The following SCYGR6 variants were observed in gnomAD, a reference collection of about 807,000 sequenced individuals.
SCYGR6 encodes the protein small cysteine and glycine repeat-containing protein 6.
At chr2:227,724,732 C>T (rs1326326895) in exon 1 of SCYGR6, 4 of 411,382 alleles carry the variant, frequency 9.7e-6, no homozygotes, top group Non-Finnish European at 1.7e-5. Context: ...GCCACCACCG[C>T]AGCCACCACA....
At chr2:227,724,582 C>T (rs929185786) in exon 1 of SCYGR6, 20 of 399,218 alleles carry the variant, frequency 5.0e-5, no homozygotes, top group Non-Finnish European at 8.8e-5. Flanking sequence ...GCTGCAGCAG[C>T]CTCCACAGCA....
chr2:227,724,449 G>C, exon 1 of SCYGR6: 1 of 398,786 alleles, frequency 2.5e-6, no homozygotes. Context: ...CCTAGCAGCA[G>C]CATTGCTTCT....
At position 227,724,719 on chromosome 2, in the gene SCYGR6, G is replaced by A. The variant is rs529652123; in HGVS notation, c.39C>T (p.Cys13=). Reference sequence around the variant, plus strand: ...CACTGCAGCCACCACCGCAGCCACCGCAGCCACCACCGCAGCCACCACACC... The same window carrying A: ...CACTGCAGCCACCACCGCAGCCACCACAGCCACCACCGCAGCCACCACACC... The change falls in exon 1 of 1, where the codon TGC becomes TGT. Residue 13 remains cysteine, a synonymous_variant. Coordinates refer to ENST00000641918, the Ensembl canonical transcript of SCYGR6. 3.3e-3 allele frequency: 1,374 copies of A among 410,984 alleles called. 14 individuals are homozygous for A. The highest frequency in any genetic ancestry group is 1.3e-3 in the Non-Finnish European group (307 of 236,100). 25.5% of individuals were successfully genotyped at this position (410,984 alleles called of 1,614,324 possible).
In SCYGR6 at chr2:227,724,482, G is replaced by GCAGCCCTTCTGCTGGCAA. The variant is rs1217455001; in HGVS notation, c.258_275dup (p.Gln94_Cys99dup). The GCAGCCCTTCTGCTGGCAA allele has an allele frequency of 4.1e-4, 160 of 392,818 alleles. 1 individual carries two copies. The highest frequency in any genetic ancestry group is 5.4e-4 in the East Asian group (15 of 27,648). 24.3% of individuals were successfully genotyped at this position (392,818 alleles called of 1,614,324 possible). On this transcript the variant is annotated inframe_insertion, in exon 1 of 1. Transcript: ENST00000641918. ...TCTTGCAGCAGCCCTTCTGCTGACA[G>GCAGCCCTTCTGCTGGCAA]CAGCCCTTCTGCTGGCAACAGCCCT...
Sources: allele counts gnomAD v4.1 joint callset, GRCh38; gene constraint gnomAD v4.1.1; transcripts MANE v1.5; gene names NCBI Gene and HGNC (gene_info 2026-07-23, HGNC 2026-07-21).